The following CYP2A13 variants were observed in gnomAD, a reference collection of about 807,000 sequenced individuals.
CYP2A13 encodes the protein cytochrome P450 family 2 subfamily A member 13.
A neutral mutation model predicts 39.4 loss-of-function variants in CYP2A13; 30 were observed. The observed-to-expected ratio is 0.76, with a 90% CI of 0.57 to 1.03. The LOEUF (loss-of-function observed/expected upper bound fraction) is 1.03, where lower values mean the gene tolerates loss of function less well. Among genes scored for constraint, CYP2A13 ranks in the 50% least tolerant of loss-of-function variants. The probability of loss-of-function intolerance (pLI) is 0.00; values close to 1 mark genes in which losing one functional copy is unlikely to be tolerated. For synonymous variants in CYP2A13, 269 were observed against 254.7 expected, an observed-to-expected ratio of 1.06 and a Z score of -0.54; for missense variants, 731 against 648.4, an observed-to-expected ratio of 1.13 and a Z score of -1.38.
At position 41,094,393 on chromosome 19, in the gene CYP2A13, C is replaced by G. The variant is rs1214192434; in HGVS notation, c.1122C>G (p.Val374=). The G allele has an allele frequency of 1.2e-6, 2 of 1,614,070 alleles. No homozygotes were observed. Among genetic ancestry groups the G allele is most frequent in the East Asian group, 2.2e-5 (1 of 44,872 alleles). Residue 374 remains valine (V), a synonymous_variant, in exon 7 of 9, where the codon GTC becomes GTG. Coordinates refer to ENST00000330436, the MANE Select transcript of CYP2A13 (RefSeq NM_000766.5). ...TCCCCATGGGTTTGGCCCACAGGGT[C>G]AACAAGGACACCAAGTTTCGGGATT... is the stretch of plus-strand genomic sequence containing the variant. ...DMLPMGLAHR[V]NKDTKFRDFF...
intron 5 of CYP2A13, among the ~76,000 whole-genome samples, chr19:41,092,764 G>A (rs937125813): frequency 2.0e-5 from 3 of 152,168 alleles, no homozygotes; most frequent in Non-Finnish European, 4.4e-5. Flanking sequence ...GCCTACCTCT[G>A]GATGTCAGCC....
chr19:41,093,898 C>T (rs2031243777), intron 6 of CYP2A13, 127 bp downstream of exon 6: 1 of 1,127,854 alleles, frequency 8.9e-7, no homozygotes, highest in East Asian at 2.5e-5. Flanking sequence ...AGAGACAGGA[C>T]AATATTCAGC....
chr19:41,095,884 ACACGTGGGCTTTGC>A lies in CYP2A13; in HGVS notation c.1433_1446del (p.Val478AspfsTer89), dbSNP rs1220029230. 2.5e-6 allele frequency: 4 copies of A among 1,613,700 alleles called. No individual in the cohort carries two copies. Among genetic ancestry groups the A allele is most frequent in the Non-Finnish European group, 3.4e-6 (4 of 1,179,782 alleles). ...CTAAGGATATCGACGTGTCCCCCAA[ACACGTGGGCTTTGC>A]CACGATCCCACGAAACTACACCATG... On this transcript the variant is annotated frameshift_variant, in exon 9 of 9. Coordinates refer to ENST00000330436, the MANE Select transcript of CYP2A13 (RefSeq NM_000766.5). LOFTEE classifies it high-confidence loss of function.
chr19:41,089,582 C>G (rs2031122067), intron 2 of CYP2A13, among the ~76,000 whole-genome samples: 1 of 152,018 alleles, frequency 6.6e-6, no homozygotes, highest in African/African-American at 2.4e-5. Flanking sequence ...GTTTCTGTCT[C>G]CATATTTTTC....
intron 4 of CYP2A13, 62 bp downstream of exon 4, chr19:41,090,626 G>T (rs1599654227): frequency 6.2e-6 from 10 of 1,609,852 alleles, no homozygotes; most frequent in Non-Finnish European, 7.6e-6. Flanking sequence ...TCCCCTACCT[G>T]GAGACAGGTG....
At chr19:41,093,210 A>C (rs1803154853) in intron 5 of CYP2A13, among the ~76,000 whole-genome samples, 1 of 152,040 alleles carries the variant, frequency 6.6e-6, no homozygotes, top group Non-Finnish European at 1.5e-5. Flanking sequence ...GTGTCTCAAA[A>C]AAAAAAAAAG....
Position 41,095,044 on chromosome 19 carries a change from T to A in CYP2A13, c.1247T>A (p.Phe416Tyr). ...CCCCGGGACTTCAATCCCCAGCACTTCCTGGATAAGAAGGGGCAGTTTAAG... is the reference window on the plus strand; with the variant it reads ...CCCCGGGACTTCAATCCCCAGCACTACCTGGATAAGAAGGGGCAGTTTAAG... ...SNPRDFNPQHFLDKKGQFKKS... is the reference protein window; with the variant it reads ...SNPRDFNPQHYLDKKGQFKKS... Residue 416 changes from phenylalanine (F) to tyrosine (Y), a missense_variant, in exon 8 of 9, where the codon TTC (phenylalanine) becomes TAC (tyrosine). By Grantham distance (22) the Phe-to-Tyr change is conservative. Transcript: ENST00000330436. 2 of 1,614,138 alleles carry A rather than the reference T, an allele frequency of 1.2e-6. No individual in the cohort carries two copies. Among genetic ancestry groups the A allele is most frequent in the Non-Finnish European group, 1.7e-6 (2 of 1,180,016 alleles).
intron 4 of CYP2A13, among the ~76,000 whole-genome samples, chr19:41,090,944 T>A (rs1267199140): frequency 6.6e-6 from 1 of 152,222 alleles, no homozygotes; most frequent in Non-Finnish European, 1.5e-5. Flanking sequence ...GCCTCCTGCA[T>A]ACCTGAACAC....
At position 41,090,576 on chromosome 19, in the gene CYP2A13, C is replaced by T. The variant is rs772141422; in HGVS notation, c.654+12C>T. 1 of 1,613,846 alleles carries T rather than the reference C, an allele frequency of 6.2e-7. No homozygotes were observed. Among genetic ancestry groups the T allele is most frequent in the Non-Finnish European group, 8.5e-7 (1 of 1,179,916 alleles). ...CCTCCACGGGGCAGGTAACTGGCTG[C>T]AGCCCGCCAGTGACGCCCCTACCAC... On this transcript the variant is annotated intron_variant, in intron 4 of 8. Coordinates refer to ENST00000330436, the MANE Select transcript of CYP2A13 (RefSeq NM_000766.5).
chr19:41,094,651 C>T (rs1228282065), intron 7 of CYP2A13, among the ~76,000 whole-genome samples: 1 of 152,130 alleles, frequency 6.6e-6, no homozygotes. Flanking sequence ...GAATACACCC[C>T]ATGTTCCCAA....
intron 2 of CYP2A13, 82 bp from the exon 3 acceptor site, chr19:41,089,965 C>A: frequency 6.8e-7 from 1 of 1,463,184 alleles, no homozygotes; most frequent in Non-Finnish European, 9.0e-7. Flanking sequence ...TCTGCTCCAC[C>A]CTTGGGGAGC....
Position 41,095,887 on chromosome 19 carries a change from C to G in CYP2A13, c.1431C>G (p.His477Gln), listed in dbSNP as rs1280831111. 1 of 1,613,680 alleles carries G rather than the reference C, an allele frequency of 6.2e-7. No individual in the cohort carries two copies. The highest frequency in any genetic ancestry group is 2.2e-5 in the East Asian group (1 of 44,832). The change falls in exon 9 of 9, where the codon CAC becomes CAG. Residue 477 changes from histidine to glutamine, a missense_variant. His to Gln is a conservative substitution (Grantham distance 24, BLOSUM62 0). Transcript: ENST00000330436. ...SPKDIDVSPK[H>Q]VGFATIPRNY... ...AGGATATCGACGTGTCCCCCAAACACGTGGGCTTTGCCACGATCCCACGAA... is the reference window on the plus strand; with the variant it reads ...AGGATATCGACGTGTCCCCCAAACAGGTGGGCTTTGCCACGATCCCACGAA...
At position 41,093,736 on chromosome 19, in the gene CYP2A13, G is replaced by T; in HGVS notation, c.938G>T (p.Gly313Val). The change falls in exon 6 of 9, where the codon GGT (glycine) becomes GTT (valine). Residue 313 changes from glycine to valine, a missense_variant. Transcript: ENST00000330436. ...ACCGTGAGCACCACCCTGCGCTACGGTTTCCTGCTGCTCATGAAGCACCCA... is the reference window on the plus strand; with the variant it reads ...ACCGTGAGCACCACCCTGCGCTACGTTTTCCTGCTGCTCATGAAGCACCCA... ...TETVSTTLRY[G>V]FLLLMKHPEV... 1 of 1,614,044 alleles carries T rather than the reference G, an allele frequency of 6.2e-7. No individual in the cohort carries two copies. Among genetic ancestry groups the T allele is most frequent in the Non-Finnish European group, 8.5e-7 (1 of 1,180,014 alleles).
At chr19:41,094,663 C>T (rs2031263157) in intron 7 of CYP2A13, among the ~76,000 whole-genome samples, 1 of 152,180 alleles carries the variant, frequency 6.6e-6, no homozygotes, top group Non-Finnish European at 1.5e-5. Flanking sequence ...TGTTCCCAAA[C>T]TTCCTGTCTT....
rs530517137 is a variant in CYP2A13, at chr19:41,090,852, A to G, written c.654+288A>G. Among the ~76,000 whole-genome samples, 43 of 152,194 alleles carry G rather than the reference A, an allele frequency of 2.8e-4. 1 individual carries two copies. The highest frequency in any genetic ancestry group is 9.2e-4 in the African/African-American group (38 of 41,510). On this transcript the variant is annotated intron_variant, in intron 4 of 8. Transcript: ENST00000330436. ...CACCTGGGCACATGTTCCCATCCCC[A>G]ACTTACCGTAATTTGTAACAGGTGC...
chr19:41,092,692 T>C (rs2031218459), intron 5 of CYP2A13, among the ~76,000 whole-genome samples: 1 of 152,180 alleles, frequency 6.6e-6, no homozygotes, highest in Non-Finnish European at 1.5e-5. Context: ...TAACCGTTCA[T>C]GTCCTGGTTA....
chr19:41,090,277 G>T lies in CYP2A13; in HGVS notation c.493+81G>T, dbSNP rs554034652. On this transcript the variant is annotated intron_variant, in intron 3 of 8. Transcript: ENST00000330436. ...GGGGACTAGGTGGGGAAAGGGGCCC[G>T]CACTTCCAGCCCTGGAGTCTGGCGC... is the stretch of plus-strand genomic sequence containing the variant. 322 of 1,559,350 alleles carry T rather than the reference G, an allele frequency of 2.1e-4. 4 individuals carry two copies. In the South Asian group the frequency reaches 3.6e-3, roughly 17 times the overall value.
At position 41,089,845 on chromosome 19, in the gene CYP2A13, TCTCTCTCTCTCTCTCTCTCTC is replaced by T. The variant is rs1178825506; in HGVS notation, c.344-201_344-181del. 5.0e-4 allele frequency among the ~76,000 whole-genome samples: 60 copies of T among 120,624 alleles called. 3 individuals are homozygous for T. Among genetic ancestry groups the T allele is most frequent in the Admixed American group, 1.2e-3 (13 of 10,488 alleles). 79.1% of individuals were successfully genotyped at this position (120,624 alleles called of 152,430 possible). A position where few individuals can be genotyped will look rare whatever the true frequency, so the allele number is the denominator to read the frequency against. Reference sequence around the variant, plus strand: ...CTCTCTCTCTCTCTCTCTCTCTCTCTCTCTCTCTCTCTCTCTCTCTCTCTCTCGTGCTCTCGTGTTTCTCTG... The same window carrying T: ...CTCTCTCTCTCTCTCTCTCTCTCTCTTCTCTCGTGCTCTCGTGTTTCTCTG... On this transcript the variant is annotated intron_variant, in intron 2 of 8. Coordinates refer to ENST00000330436, the MANE Select transcript of CYP2A13 (RefSeq NM_000766.5).
At position 41,095,995 on chromosome 19, in the gene CYP2A13, G is replaced by T; in HGVS notation, c.*54G>T. ...GGGCGGGGCCAGGGAAACGGCCGGG[G>T]CAGGGGCGGGGCTTGTGGGAGGGGC... On this transcript the variant is annotated 3_prime_UTR_variant, in exon 9 of 9. Transcript: ENST00000330436. 2 of 1,581,504 alleles carry T rather than the reference G, an allele frequency of 1.3e-6. No individual in the cohort carries two copies. Among genetic ancestry groups the T allele is most frequent in the Non-Finnish European group, 1.7e-6 (2 of 1,157,736 alleles).
Sources: gnomAD v4.1 joint callset for allele counts (sites outside exome capture counted in the v4.1 genomes callset) on GRCh38, gnomAD v4.1.1 for gene constraint, MANE v1.5 for transcripts, NCBI Gene and HGNC (gene_info 2026-07-23, HGNC 2026-07-21) for gene names.